Variants in NES observed in about 807,000 individuals in gnomAD.
The protein encoded by NES is nestin.
In NES, 27 loss-of-function variants were observed where a neutral mutation model predicts 35.6. That is an observed-to-expected ratio of 0.76 (90% confidence interval 0.56 to 1.04). The LOEUF (loss-of-function observed/expected upper bound fraction) is 1.04. Ranked by LOEUF, NES falls within the 50% of genes least tolerant of loss-of-function variation. NES has a pLI of 0.00. For missense variants in NES, 1,867 were observed against 1,983.6 expected, an observed-to-expected ratio of 0.94 and a Z score of 1.12; for synonymous variants, 822 against 824.2, an observed-to-expected ratio of 1.00 and a Z score of 0.04.
rs1487130077 is a variant in NES, at chr1:156,669,152, G to T, written c.*170C>A. The T allele has an allele frequency of 1.2e-5, 6 of 488,562 alleles. No homozygotes were observed. The Admixed American group carries it at 1.4e-4, about 12-fold the overall frequency. 30.3% of individuals were successfully genotyped at this position (488,562 alleles called of 1,614,324 possible). ...CCTACAGCCTCCATTCTTGGAGTAG[G>T]CTCCTTTGCCACACCCCTTTTCACC... On this transcript the variant is annotated 3_prime_UTR_variant, in exon 4 of 4. Coordinates refer to ENST00000368223, the MANE Select transcript of NES (RefSeq NM_006617.2).
chr1:156,670,035 C>G lies in NES; in HGVS notation c.4153G>C (p.Glu1385Gln). 6.2e-7 allele frequency: 1 copy of G among 1,614,034 alleles called. No homozygotes were observed. The highest frequency in any genetic ancestry group is 1.1e-5 in the South Asian group (1 of 91,084). ...ACCTGGCCCAGAGGTTCTGCCACCTCCCCAGGGACCCCAGGAAGAAAAGGT... is the reference window on the plus strand; with the variant it reads ...ACCTGGCCCAGAGGTTCTGCCACCTGCCCAGGGACCCCAGGAAGAAAAGGT... ...EAPFLPGVPG[E>Q]VAEPLGQVPQ... Residue 1385 changes from glutamate (E) to glutamine (Q), a missense_variant, in exon 4 of 4, where the codon GAG (glutamate) becomes CAG (glutamine). By Grantham distance (29) the Glu-to-Gln change is conservative. Coordinates refer to ENST00000368223, the MANE Select transcript of NES (RefSeq NM_006617.2).
chr1:156,677,248 C>T lies in NES; in HGVS notation c.17G>A (p.Gly6Glu). The T allele has an allele frequency of 1.2e-6, 2 of 1,612,276 alleles. No individual in the cohort carries two copies. ...CTCCCACATCTGAAACGACTCCTCC[C>T]CCATGCAGCCCTCCATCCTGCTCGT... Reference protein sequence around the residue: MEGCMGEESFQMWELN... With the variant: MEGCMEEESFQMWELN... The change falls in exon 1 of 4, where the codon GGG becomes GAG. Residue 6 changes from glycine (G) to glutamate (E), a missense_variant. Gly to Glu is a moderately conservative substitution (Grantham distance 98). Transcript: ENST00000368223. The surrounding 1 kb of genome is among the most constrained non-coding windows in gnomAD (Gnocchi z 4.5).
Position 156,669,979 on chromosome 1 carries a change from C to T in NES, c.4209G>A (p.Trp1403Ter). 6.2e-7 allele frequency: 1 copy of T among 1,613,854 alleles called. No homozygotes were observed. Among genetic ancestry groups the T allele is most frequent in the Non-Finnish European group, 8.5e-7 (1 of 1,179,962 alleles). Residue 1403 changes from tryptophan to a stop codon, truncating the protein, a stop_gained, in exon 4 of 4, where the codon TGG becomes TGA. Coordinates refer to ENST00000368223, the MANE Select transcript of NES (RefSeq NM_006617.2). LOFTEE classifies it low-confidence loss of function (END_TRUNC). The stretch of plus-strand genomic sequence containing the variant: ...ACCCATCGGACTCCCCATCTCGATC[C>T]CAGGCTGCAGGATCCAGTAGCAGCT... ...VPQLLLDPAA[W>*]DRDGESDGFA...
Position 156,676,139 on chromosome 1 carries a change from A to G in NES, c.783+343T>C, listed in dbSNP as rs185262967. ...GGCCACCAGATTCAGCGCAGAGGCG[A>G]CAGTGCTGGGTGTCCTCCTAGTAAT... On this transcript the variant is annotated intron_variant, in intron 1 of 3. Coordinates refer to ENST00000368223, the MANE Select transcript of NES (RefSeq NM_006617.2). This position sits in a 1 kb window ranked among gnomAD's most constrained non-coding sequence, Gnocchi z 5.3. Among the ~76,000 whole-genome samples the G allele has an allele frequency of 1.2e-4, 18 of 152,340 alleles. No individual in the cohort carries two copies. The highest frequency in any genetic ancestry group is 4.3e-4 in the African/African-American group (18 of 41,584).
chr1:156,670,564 C>T lies in NES; in HGVS notation c.3624G>A (p.Glu1208=). Residue 1208 remains glutamate, a synonymous_variant, in exon 4 of 4, where the codon GAG becomes GAA. Coordinates refer to ENST00000368223, the MANE Select transcript of NES (RefSeq NM_006617.2). ...CTGGTGGTACATCCTCCTCAGCTTCCTCTGACCCCAGAGGCCAAGGTGAAG... is the reference window on the plus strand; with the variant it reads ...CTGGTGGTACATCCTCCTCAGCTTCTTCTGACCCCAGAGGCCAAGGTGAAG... ...DAPSPWPLGS[E]EAEEDVPPVL... 6.2e-7 allele frequency: 1 copy of T among 1,612,600 alleles called. No individual in the cohort carries two copies. The highest frequency in any genetic ancestry group is 1.1e-5 in the South Asian group (1 of 91,038).
At position 156,670,262 on chromosome 1, in the gene NES, G is replaced by A. The variant is rs770280513; in HGVS notation, c.3926C>T (p.Thr1309Ile). Reference protein sequence around the residue: ...TPLGFYLRSPTSPRWDPTGEQ... With the variant: ...TPLGFYLRSPISPRWDPTGEQ... Reference sequence around the variant, plus strand: ...TCCAGTGGGGTCCCACCTGGGGGAGGTGGGGGACCTGAGGTAGAAGCCCAG... The same window carrying A: ...TCCAGTGGGGTCCCACCTGGGGGAGATGGGGGACCTGAGGTAGAAGCCCAG... The change falls in exon 4 of 4, where the codon ACC becomes ATC. Residue 1309 changes from threonine to isoleucine, a missense_variant. By Grantham distance (89) the Thr-to-Ile change is moderately conservative. Coordinates refer to ENST00000368223, the MANE Select transcript of NES (RefSeq NM_006617.2). 5.0e-6 allele frequency: 8 copies of A among 1,611,712 alleles called. No individual in the cohort carries two copies. In the East Asian group the frequency reaches 1.6e-4, roughly 31 times the overall value.
At position 156,676,650 on chromosome 1, in the gene NES, G is replaced by A. The variant is rs1234509917; in HGVS notation, c.615C>T (p.Gly205=). Residue 205 remains glycine (G), a synonymous_variant, in exon 1 of 4, where the codon GGC becomes GGT. Coordinates refer to ENST00000368223, the MANE Select transcript of NES (RefSeq NM_006617.2). This position sits in a 1 kb window ranked among gnomAD's most constrained non-coding sequence, Gnocchi z 5.3. ...ERVAHMETSL[G]QARERLGRAV... is the part of the protein sequence containing the mutation. ...CCCGGCCCAGCCGCTCGCGGGCCTG[G>A]CCCAGCGACGTCTCCATGTGTGCCA... 6.5e-7 allele frequency: 1 copy of A among 1,527,054 alleles called. No homozygotes were observed. Among genetic ancestry groups the A allele is most frequent in the Non-Finnish European group, 8.7e-7 (1 of 1,149,998 alleles). 94.6% of individuals were successfully genotyped at this position (1,527,054 alleles called of 1,614,324 possible). A position where few individuals can be genotyped will look rare whatever the true frequency, so the allele number is the denominator to read the frequency against.
In NES at chr1:156,670,331, C is replaced by T. The variant is rs867172983; in HGVS notation, c.3857G>A (p.Ser1286Asn). The T allele has an allele frequency of 6.2e-7, 1 of 1,611,842 alleles. No individual in the cohort carries two copies. Among genetic ancestry groups the T allele is most frequent in the African/African-American group, 1.3e-5 (1 of 74,990 alleles). Residue 1286 changes from serine to asparagine, a missense_variant, in exon 4 of 4, where the codon AGC (serine) becomes AAC (asparagine). Ser to Asn is a conservative substitution (Grantham distance 46). Coordinates refer to ENST00000368223, the MANE Select transcript of NES (RefSeq NM_006617.2). ...QEEGEESREE[S>N]EEDELGETLP... ...GGTCTCCCCGAGCTCATCCTCCTCG[C>T]TCTCTTCTCTGCTCTCCTCCCCTTC...
Position 156,669,631 on chromosome 1 carries a change from G to T in NES, c.4557C>A (p.Ile1519=). The T allele has an allele frequency of 6.2e-7, 1 of 1,614,080 alleles. No individual in the cohort carries two copies. Residue 1519 remains isoleucine, a synonymous_variant, in exon 4 of 4, where the codon ATC becomes ATA. Coordinates refer to ENST00000368223, the MANE Select transcript of NES (RefSeq NM_006617.2). The part of the protein sequence containing the change: ...REDKVPGPLE[I]PSGMEDAGPG... ...GGCCTGCATCCTCCATCCCACTGGG[G>T]ATCTCTAGAGGGCCAGGGACTTTGT...
In NES at chr1:156,670,687, A is replaced by G; in HGVS notation, c.3501T>C (p.Pro1167=). The G allele has an allele frequency of 6.2e-7, 1 of 1,613,506 alleles. No individual in the cohort carries two copies. The highest frequency in any genetic ancestry group is 8.5e-7 in the Non-Finnish European group (1 of 1,179,786). ...CTGACTCCTCCCTACCCTCCCTGGG[A>G]GGCTCCCAAGGGTCTCTGCTCTTCC... is the stretch of plus-strand genomic sequence containing the variant. ...LPGKSRDPWE[P]PREGREESEA... The change falls in exon 4 of 4, where the codon CCT becomes CCC. Residue 1167 remains proline (P), a synonymous_variant. Transcript: ENST00000368223.
In NES at chr1:156,670,451, C is replaced by G; in HGVS notation, c.3737G>C (p.Ser1246Thr). ...TTCAGCCCTCCCCTGCACCCCCCAG[C>G]TAGCCTCCTGACTCCCTTCAGCCTG... ...QPQAEGSQEA[S>T]WGVQGRAEAL... is the part of the protein sequence containing the mutation. The change falls in exon 4 of 4, where the codon AGC becomes ACC. Residue 1246 changes from serine to threonine, a missense_variant. Ser to Thr is a moderately conservative substitution (Grantham distance 58). Transcript: ENST00000368223. 6.4e-7 allele frequency: 1 copy of G among 1,561,310 alleles called. No individual in the cohort carries two copies. Among genetic ancestry groups the G allele is most frequent in the African/African-American group, 1.4e-5 (1 of 73,492 alleles).
Position 156,670,731 on chromosome 1 carries a change from C to A in NES, c.3457G>T (p.Glu1153Ter), listed in dbSNP as rs748304865. 2 of 1,613,956 alleles carry A rather than the reference C, an allele frequency of 1.2e-6. No individual in the cohort carries two copies. Among genetic ancestry groups the A allele is most frequent in the African/African-American group, 2.7e-5 (2 of 74,892 alleles). The part of the protein sequence containing the change: ...DLEEAGGLGT[E>*]FSELPGKSRD... ...CTCTTCCCAGGCAGCTCGGAGAACT[C>A]TGTCCCCAGACCACCTGCCTCCTCT... The change falls in exon 4 of 4, where the codon GAG becomes TAG. Residue 1153 changes from glutamate (E) to a stop codon, truncating the protein, a stop_gained. Transcript: ENST00000368223. LOFTEE classifies it low-confidence loss of function (END_TRUNC).
At chr1:156,675,014 T>C (rs1679812306) in intron 2 of NES, among the ~76,000 whole-genome samples, 1 of 152,176 alleles carries the variant, frequency 6.6e-6, no homozygotes, top group Admixed American at 6.5e-5. Context: ...GCACAGGACA[T>C]TGCTCAGGTC....
chr1:156,670,325 T>G lies in NES; in HGVS notation c.3863A>C (p.Glu1288Ala). Residue 1288 changes from glutamate (E) to alanine (A), a missense_variant, in exon 4 of 4, where the codon GAG (glutamate) becomes GCG (alanine). Glu to Ala is a moderately radical substitution (Grantham distance 107). Transcript: ENST00000368223. ...EGEESREESE[E>A]DELGETLPDS... ...TGGAAGGGTCTCCCCGAGCTCATCC[T>G]CCTCGCTCTCTTCTCTGCTCTCCTC... 1.2e-6 allele frequency: 2 copies of G among 1,612,440 alleles called. No homozygotes were observed. Among genetic ancestry groups the G allele is most frequent in the Non-Finnish European group, 1.7e-6 (2 of 1,179,172 alleles).
chr1:156,669,377 A>T lies in NES; in HGVS notation c.4811T>A (p.Leu1604Gln). Reference protein sequence around the residue: ...APVHLGQGQFLKFTQREGDRE... With the variant: ...APVHLGQGQFQKFTQREGDRE... Reference sequence around the variant, plus strand: ...ATCTCCTTCCCTCTGAGTGAACTTCAGGAACTGACCCTGGCCCAGGTGAAC... The same window carrying T: ...ATCTCCTTCCCTCTGAGTGAACTTCTGGAACTGACCCTGGCCCAGGTGAAC... The change falls in exon 4 of 4, where the codon CTG becomes CAG. Residue 1604 changes from leucine to glutamine, a missense_variant. Transcript: ENST00000368223. 1 of 1,606,980 alleles carries T rather than the reference A, an allele frequency of 6.2e-7. No homozygotes were observed. The highest frequency in any genetic ancestry group is 8.5e-7 in the Non-Finnish European group (1 of 1,174,784).
Position 156,670,467 on chromosome 1 carries a change from C to T in NES, c.3721G>A (p.Gly1241Arg), listed in dbSNP as rs1032037203. 2.5e-6 allele frequency: 4 copies of T among 1,570,010 alleles called. No homozygotes were observed. The highest frequency in any genetic ancestry group is 1.8e-5 in the Admixed American group (1 of 55,114). ...DAPGPQPQAE[G>R]SQEASWGVQG... ...ACCCCCCAGCTAGCCTCCTGACTCC[C>T]TTCAGCCTGAGGCTGAGGCCCAGGG... Residue 1241 changes from glycine to arginine, a missense_variant, in exon 4 of 4, where the codon GGG (glycine) becomes AGG (arginine). Transcript: ENST00000368223.
Position 156,673,179 on chromosome 1 carries a change from T to C in NES, c.1009A>G (p.Arg337Gly), listed in dbSNP as rs1471448360. 21 of 1,525,302 alleles carry C rather than the reference T, an allele frequency of 1.4e-5. No homozygotes were observed. The highest frequency in any genetic ancestry group is 2.3e-5 in the East Asian group (1 of 44,032). 94.5% of individuals were successfully genotyped at this position (1,525,302 alleles called of 1,614,324 possible). The change falls in exon 4 of 4, where the codon AGG becomes GGG. Residue 337 changes from arginine (R) to glycine (G), a missense_variant. By Grantham distance (125) the Arg-to-Gly change is moderately radical. Coordinates refer to ENST00000368223, the MANE Select transcript of NES (RefSeq NM_006617.2). The stretch of plus-strand genomic sequence containing the variant: ...CCAAGACGCCGGCCCTCTGGGGTCC[T>C]AGGGAATTGCAGCTCCAGCTTGGGG... The part of the protein sequence containing the change: ...QDPKLELQFP[R>G]TPEGRRLGSL...
rs1647322966 is a variant in NES, at chr1:156,677,082, C to T, written c.183G>A (p.Ala61=). The T allele has an allele frequency of 6.2e-7, 1 of 1,601,378 alleles. No individual in the cohort carries two copies. The highest frequency in any genetic ancestry group is 8.5e-7 in the Non-Finnish European group (1 of 1,175,354). ...SWRAHADDEL[A]ALRALVDQRW... is the part of the protein sequence containing the mutation. ...GTTGGTCAACGAGGGCCCGCAGGGCCGCCAGCTCGTCGTCGGCATGCGCCC... is the reference window on the plus strand; with the variant it reads ...GTTGGTCAACGAGGGCCCGCAGGGCTGCCAGCTCGTCGTCGGCATGCGCCC... The change falls in exon 1 of 4, where the codon GCG becomes GCA. Residue 61 remains alanine, a synonymous_variant. Coordinates refer to ENST00000368223, the MANE Select transcript of NES (RefSeq NM_006617.2). The surrounding 1 kb of genome is among the most constrained non-coding windows in gnomAD (Gnocchi z 4.5).
Position 156,670,165 on chromosome 1 carries a change from G to A in NES, c.4023C>T (p.Gly1341=), listed in dbSNP as rs939672467. ...CCTTTTCTGAGGGTGGGGCCTCAAG[G>A]CCCTCGGAAGCCAGGACAGCAGGAT... The part of the protein sequence containing the change: ...GWDPAVLASE[G]LEAPPSEKEE... The change falls in exon 4 of 4, where the codon GGC becomes GGT. Residue 1341 remains glycine (G), a synonymous_variant. Transcript: ENST00000368223. The A allele has an allele frequency of 4.3e-6, 7 of 1,613,870 alleles. No individual in the cohort carries two copies. The highest frequency in any genetic ancestry group is 1.3e-5 in the African/African-American group (1 of 74,916).
Sources: allele counts gnomAD v4.1 joint callset (sites outside exome capture counted in the v4.1 genomes callset), GRCh38; gene constraint gnomAD v4.1.1; non-coding constraint Gnocchi (gnomAD v3.1); transcripts MANE v1.5; gene names NCBI Gene and HGNC (gene_info 2026-07-23, HGNC 2026-07-21).